The following PLCE1 variants were observed in gnomAD, a reference collection of about 807,000 sequenced individuals.
PLCE1 encodes the protein 1-phosphatidylinositol 4,5-bisphosphate phosphodiesterase epsilon-1.
Under a neutral mutation model 242.8 loss-of-function variants are expected in PLCE1, and 119 were observed. The observed-to-expected ratio is 0.49, with a 90% CI of 0.42 to 0.57. The LOEUF (loss-of-function observed/expected upper bound fraction) is 0.57, where lower values mean the gene tolerates loss of function less well. Among genes scored for constraint, PLCE1 ranks in the 20% least tolerant of loss-of-function variants. PLCE1 has a pLI of 0.00. For synonymous variants in PLCE1, 945 were observed against 1,017.4 expected, an observed-to-expected ratio of 0.93 and a Z score of 1.35; for missense variants, 2,441 against 2,788.8, an observed-to-expected ratio of 0.88 and a Z score of 2.81.
At chr10:94,108,389 G>A (rs1042047036) in intron 2 of PLCE1, 3 of 152,210 alleles carry the variant, frequency 2.0e-5, no homozygotes, top group African/African-American at 7.2e-5. Flanking sequence ...TCTTTCCCTT[G>A]GGCTGTGAGT....
intron 2 of PLCE1, among the ~76,000 whole-genome samples, chr10:94,061,366 C>T (rs1353602389): frequency 1.3e-5 from 2 of 152,162 alleles, no homozygotes; most frequent in Non-Finnish European, 2.9e-5. Flanking sequence ...CAATAGCAAA[C>T]CCATACTATG....
intron 4 of PLCE1, among the ~76,000 whole-genome samples, chr10:94,204,748 G>GAGGGAGGAAGGA (rs1554883695): frequency 1.8e-4 from 22 of 122,446 alleles, no homozygotes; most frequent in Admixed American, 6.1e-4. Context: ...AGAAGGGAGG[G>GAGGGAGGAAGGA]AGGAAGGAAG....
Position 94,246,140 on chromosome 10 carries a change from A to C in PLCE1, c.2615A>C (p.Gln872Pro). 1 of 1,614,148 alleles carries C rather than the reference A, an allele frequency of 6.2e-7. No individual in the cohort carries two copies. Among genetic ancestry groups the C allele is most frequent in the East Asian group, 2.2e-5 (1 of 44,846 alleles). The change falls in exon 8 of 33, where the codon CAG (glutamine) becomes CCG (proline). Residue 872 changes from glutamine (Q) to proline (P), a missense_variant. Coordinates refer to ENST00000371380, the MANE Select transcript of PLCE1 (RefSeq NM_016341.4). Reference sequence around the variant, plus strand: ...GGGGCCACGGTCATCCACTACGACCAGGACACACACCTCTCTGCCCGCTGC... The same window carrying C: ...GGGGCCACGGTCATCCACTACGACCCGGACACACACCTCTCTGCCCGCTGC... ...LQGATVIHYD[Q>P]DTHLSARCFL...
intron 29 of PLCE1, among the ~76,000 whole-genome samples, chr10:94,317,969 C>T (rs2053635659): frequency 6.6e-6 from 1 of 152,182 alleles, no homozygotes; most frequent in Admixed American, 6.5e-5. Context: ...GAAGGTGCCT[C>T]AGGCCCATGC....
intron 3 of PLCE1, among the ~76,000 whole-genome samples, chr10:94,166,728 C>A (rs1396789654): frequency 6.6e-6 from 1 of 152,076 alleles, no homozygotes; most frequent in Admixed American, 6.6e-5. Context: ...AGCAGCTTGT[C>A]TTTAAGCAAA....
intron 2 of PLCE1, 34 bp downstream of exon 2, chr10:94,032,286 A>C: frequency 6.2e-7 from 1 of 1,607,022 alleles, no homozygotes; most frequent in Non-Finnish European, 8.5e-7. Flanking sequence ...CCATTTCTTT[A>C]AACTTGCTTT....
At chr10:93,999,843 C>T (rs1419202635) in intron 1 of PLCE1, among the ~76,000 whole-genome samples, 1 of 152,206 alleles carries the variant, frequency 6.6e-6, no homozygotes, top group Non-Finnish European at 1.5e-5. Context: ...AGTGCTCAAA[C>T]TTGAGCTGGT....
At chr10:94,161,801 A>T (rs915064117) in intron 3 of PLCE1, among the ~76,000 whole-genome samples, 3 of 152,058 alleles carry the variant, frequency 2.0e-5, no homozygotes, top group Non-Finnish European at 2.9e-5. Flanking sequence ...TTTGTCATAG[A>T]TAGCTCTTAT....
chr10:94,031,522 C>T lies in PLCE1; in HGVS notation c.476C>T (p.Pro159Leu), dbSNP rs1342740388. The T allele has an allele frequency of 6.2e-7, 1 of 1,612,384 alleles. No individual in the cohort carries two copies. Among genetic ancestry groups the T allele is most frequent in the Non-Finnish European group, 8.5e-7 (1 of 1,179,828 alleles). The change falls in exon 2 of 33, where the codon CCT becomes CTT. Residue 159 changes from proline to leucine, a missense_variant. Physicochemically the swap from Pro to Leu is moderately conservative, Grantham distance 98. This residue lies in a region of PLCE1 where 393 missense variants were observed against 378.5 expected (regional missense o/e 1.04). Transcript: ENST00000371380. ...GGAATTCAACTGGAACTAGACAGAC[C>T]TTCCATGGGCATTAGTCCTTTAGGA... ...FPGIQLELDRPSMGISPLGNQ... is the reference protein window; with the variant it reads ...FPGIQLELDRLSMGISPLGNQ...
In PLCE1 at chr10:94,132,262, C is replaced by G. The variant is rs200380935; in HGVS notation, c.1295C>G (p.Ala432Gly). 1.5e-4 allele frequency: 240 copies of G among 1,613,986 alleles called. No individual in the cohort carries two copies. The African/African-American group carries it at 2.7e-3, about 18-fold the overall frequency. The change falls in exon 3 of 33, where the codon GCC becomes GGC. Residue 432 changes from alanine to glycine, a missense_variant. Physicochemically the swap from Ala to Gly is moderately conservative, Grantham distance 60. Coordinates refer to ENST00000371380, the MANE Select transcript of PLCE1 (RefSeq NM_016341.4). ...ACCAAGCTCCCAGCCTCCGAGACAGCCCATGGAAGGATAAGCGTTGGTCCA... is the reference window on the plus strand; with the variant it reads ...ACCAAGCTCCCAGCCTCCGAGACAGGCCATGGAAGGATAAGCGTTGGTCCA... ...FLTKLPASET[A>G]HGRISVGPCL...
chr10:94,136,506 C>T (rs1047301926), intron 3 of PLCE1, among the ~76,000 whole-genome samples: 5 of 152,134 alleles, frequency 3.3e-5, no homozygotes, highest in Non-Finnish European at 7.4e-5. Flanking sequence ...CGAAACGCTC[C>T]TCTTCTGGAA....
intron 2 of PLCE1, among the ~76,000 whole-genome samples, chr10:94,070,393 A>C (rs540954522): frequency 1.3e-5 from 2 of 152,088 alleles, no homozygotes; most frequent in East Asian, 3.8e-4. Flanking sequence ...GGGGTCCCCA[A>C]ATATCTGCTA....
At chr10:94,080,577 C>T (rs2135229224) in intron 2 of PLCE1, among the ~76,000 whole-genome samples, 1 of 152,328 alleles carries the variant, frequency 6.6e-6, no homozygotes, top group East Asian at 1.9e-4. Flanking sequence ...TGCTTTTAGA[C>T]TTTATTTTCC....
At chr10:94,162,858 T>G (rs903847354) in intron 3 of PLCE1, among the ~76,000 whole-genome samples, 26 of 152,228 alleles carry the variant, frequency 1.7e-4, no homozygotes, top group Non-Finnish European at 3.4e-4. Context: ...ATGTTGTGTC[T>G]TTGTTCTCAT....
At chr10:94,220,376 T>TTATTTATATA (rs1554887055) in intron 4 of PLCE1, among the ~76,000 whole-genome samples, 3 of 61,878 alleles carry the variant, frequency 4.8e-5, no homozygotes, top group Non-Finnish European at 8.8e-5. Flanking sequence ...ACTAAACATT[T>TTATTTATATA]TATATATATA....
At chr10:94,100,687 G>T (rs1465743300) in intron 2 of PLCE1, 1 of 152,082 alleles carries the variant, frequency 6.6e-6, no homozygotes, top group Non-Finnish European at 1.5e-5. Flanking sequence ...TTCTTCCCCG[G>T]GTCCTCCTGC....
chr10:94,131,168 C>A (rs1455419020), intron 2 of PLCE1, among the ~76,000 whole-genome samples: 1 of 152,192 alleles, frequency 6.6e-6, no homozygotes, highest in Non-Finnish European at 1.5e-5. Context: ...CACCTTTATT[C>A]CCCCATCAGA....
At chr10:94,322,667 C>T (rs536030793) in intron 30 of PLCE1, among the ~76,000 whole-genome samples, 8 of 152,158 alleles carry the variant, frequency 5.3e-5, no homozygotes, top group African/African-American at 1.7e-4. Context: ...CACCTGTAAT[C>T]CCAGCTACTT....
chr10:94,136,840 A>C (rs1564722555), intron 3 of PLCE1, among the ~76,000 whole-genome samples: 3 of 152,214 alleles, frequency 2.0e-5, no homozygotes, highest in Admixed American at 6.5e-5. Context: ...TGCTGTCTCA[A>C]AGTGGAAAAA....
Sources: gnomAD v4.1 joint callset for allele counts (sites outside exome capture counted in the v4.1 genomes callset) on GRCh38, gnomAD v4.1.1 for gene constraint, gnomAD v4.1.1 regional missense constraint, MANE v1.5 for transcripts, NCBI Gene and HGNC (gene_info 2026-07-23, HGNC 2026-07-21) for gene names.